The following FBXW8 variants were observed in gnomAD, a reference collection of about 807,000 sequenced individuals.
FBXW8 encodes F-box and WD repeat domain containing 8, also known as F-box/WD repeat-containing protein 8.
FBXW8 carries 57 observed loss-of-function variants against 65.3 expected under a neutral mutation model. The ratio of observed to expected loss-of-function variants is 0.87; its 90% CI spans 0.71 to 1.09. FBXW8 has a LOEUF of 1.09. FBXW8 is among the 50% of genes least tolerant of loss of function. The pLI, the probability that FBXW8 is intolerant of heterozygous loss-of-function variation, is 0.00. For synonymous variants in FBXW8, 308 were observed against 330.2 expected, an observed-to-expected ratio of 0.93 and a Z score of 0.73; for missense variants, 777 against 814.8, an observed-to-expected ratio of 0.95 and a Z score of 0.57.
At chr12:116,968,155 G>A (rs770534881) in intron 5 of FBXW8, among the ~76,000 whole-genome samples, 1 of 152,056 alleles carries the variant, frequency 6.6e-6, no homozygotes. Context: ...AAGTGAGTGG[G>A]GTTATTTTGT....
intron 5 of FBXW8, among the ~76,000 whole-genome samples, chr12:116,968,196 G>C (rs4767484): frequency 0.68 from 103,470 of 152,122 alleles, 39,914 homozygotes; most frequent in Non-Finnish European, 0.84. Flanking sequence ...TACATTTTTA[G>C]GGTTCAAAGA....
At chr12:116,915,619 G>A (rs905039719) in intron 1 of FBXW8, among the ~76,000 whole-genome samples, 1 of 138,714 alleles carries the variant, frequency 7.2e-6, no homozygotes, top group Non-Finnish European at 1.6e-5. Context: ...TTCCACCCAA[G>A]GGTAACCACT....
At chr12:116,969,737 A>G (rs1043867422) in intron 5 of FBXW8, among the ~76,000 whole-genome samples, 1 of 152,128 alleles carries the variant, frequency 6.6e-6, no homozygotes, top group Non-Finnish European at 1.5e-5. Context: ...AATCGTATCC[A>G]GAGGGGGAGA....
At position 116,928,195 on chromosome 12, in the gene FBXW8, G is replaced by A. The variant is rs569662860; in HGVS notation, c.423+68G>A. 4.3e-5 allele frequency: 41 copies of A among 956,316 alleles called. No homozygotes were observed. The East Asian group carries it at 7.4e-4, about 17-fold the overall frequency. The allele number at this position is 956,316 out of a possible 1,614,324, so 59.2% of individuals were successfully genotyped here. On this transcript the variant is annotated intron_variant, in intron 2 of 10. Transcript: ENST00000652555. ...TGATTAAGGTATAGGACTCTCCGGG[G>A]TAATAGAAATTTACTCACAGAATTA...
chr12:117,012,393 G>T (rs1953844005), intron 8 of FBXW8, among the ~76,000 whole-genome samples: 1 of 152,158 alleles, frequency 6.6e-6, no homozygotes, highest in African/African-American at 2.4e-5. Context: ...GTGAGTCCTA[G>T]AGTAGTGCCA....
chr12:116,964,064 G>C (rs1415661897), intron 4 of FBXW8, among the ~76,000 whole-genome samples: 1 of 152,228 alleles, frequency 6.6e-6, no homozygotes, highest in East Asian at 1.9e-4. Flanking sequence ...CTAGTCATAG[G>C]AGAGAGTGAG....
intron 2 of FBXW8, among the ~76,000 whole-genome samples, chr12:116,937,664 T>A (rs1446028457): frequency 6.6e-6 from 1 of 152,096 alleles, no homozygotes; most frequent in East Asian, 1.9e-4. Context: ...AGCTAGTGGC[T>A]CAGGAGCAAG....
At position 116,922,861 on chromosome 12, in the gene FBXW8, T is replaced by C. The variant is rs116970576; in HGVS notation, c.319-5162T>C. On this transcript the variant is annotated intron_variant, in intron 1 of 10. Coordinates refer to ENST00000652555, the MANE Select transcript of FBXW8 (RefSeq NM_153348.3). ...AAGGGGATGGATAGATTTTTATATC[T>C]GCCTATGATGTATGGTTGTGTTCTC... 3.4e-4 allele frequency among the ~76,000 whole-genome samples: 52 copies of C among 152,154 alleles called. No homozygotes were observed. In the East Asian group the frequency reaches 8.5e-3, roughly 25 times the overall value.
intron 1 of FBXW8, among the ~76,000 whole-genome samples, chr12:116,921,822 CTTTTTTTTTTTT>C (rs11449832): frequency 1.0e-5 from 1 of 99,346 alleles, no homozygotes; most frequent in African/African-American, 4.0e-5. Flanking sequence ...GTATTTCTGA[CTTTTTTTTTTTT>C]TTTTTTTTTT....
chr12:116,916,102 G>A (rs1421105963), intron 1 of FBXW8, among the ~76,000 whole-genome samples: 1 of 152,158 alleles, frequency 6.6e-6, no homozygotes, highest in Non-Finnish European at 1.5e-5. Context: ...CTTATCTACT[G>A]TTGATGGGAA....
chr12:116,925,500 A>G (rs1881255915), intron 1 of FBXW8, among the ~76,000 whole-genome samples: 1 of 152,174 alleles, frequency 6.6e-6, no homozygotes, highest in Non-Finnish European at 1.5e-5. Context: ...CATATTTCTT[A>G]AGATATGGAC....
intron 7 of FBXW8, among the ~76,000 whole-genome samples, chr12:116,997,633 C>T (rs917366811): frequency 6.6e-6 from 1 of 152,150 alleles, no homozygotes; most frequent in Non-Finnish European, 1.5e-5. Context: ...GCAGTCCAAG[C>T]AGAGGCAGCA....
intron 1 of FBXW8, among the ~76,000 whole-genome samples, chr12:116,916,534 G>T (rs900614746): frequency 2.6e-5 from 4 of 152,216 alleles, no homozygotes; most frequent in African/African-American, 9.6e-5. Flanking sequence ...GTGTTGTAAG[G>T]TCTTTAGATT....
At chr12:116,990,012 AG>A (rs1953197014) in intron 7 of FBXW8, among the ~76,000 whole-genome samples, 1 of 152,186 alleles carries the variant, frequency 6.6e-6, no homozygotes, top group African/African-American at 2.4e-5. Context: ...GTTGGATTCC[AG>A]CCTCTGGTGG....
Position 117,024,193 on chromosome 12 carries a change from T to G in FBXW8, c.1414T>G (p.Ser472Ala), listed in dbSNP as rs763584146. ...CAGTGGTAACATCGCCCTGTCGCTC[T>G]CCGCCCATCAGCTCAGGGTCTCTGC... ...LRSGNIALSL[S>A]AHQLRVSAVQ... The change falls in exon 9 of 11, where the codon TCC becomes GCC. Residue 472 changes from serine to alanine, a missense_variant. Physicochemically the swap from Ser to Ala is moderately conservative, Grantham distance 99. Transcript: ENST00000652555. 1 of 1,614,080 alleles carries G rather than the reference T, an allele frequency of 6.2e-7. No homozygotes were observed. The highest frequency in any genetic ancestry group is 2.2e-5 in the East Asian group (1 of 44,900).
intron 3 of FBXW8, among the ~76,000 whole-genome samples, chr12:116,946,023 G>T (rs1034389652): frequency 2.6e-5 from 4 of 152,114 alleles, no homozygotes; most frequent in Non-Finnish European, 4.4e-5. Context: ...AAGTCTCTAC[G>T]GAAATATTAG....
At chr12:116,955,038 G>C (rs1592884694) in intron 4 of FBXW8, among the ~76,000 whole-genome samples, 4 of 139,810 alleles carry the variant, frequency 2.9e-5, no homozygotes, top group African/African-American at 1.2e-4. Flanking sequence ...TCTTGAAATG[G>C]GGGGGGGGGG....
intron 7 of FBXW8, among the ~76,000 whole-genome samples, chr12:116,989,606 C>T (rs749527469): frequency 2.6e-5 from 4 of 152,212 alleles, no homozygotes; most frequent in Non-Finnish European, 5.9e-5. Flanking sequence ...CACTCCCTAG[C>T]ATGTTACTAT....
At chr12:116,926,436 C>A (rs1881331083) in intron 1 of FBXW8, among the ~76,000 whole-genome samples, 1 of 152,202 alleles carries the variant, frequency 6.6e-6, no homozygotes, top group African/African-American at 2.4e-5. Flanking sequence ...GTGAGTGTGG[C>A]TTTCCTTGGC....
Sources: gnomAD v4.1 joint callset for allele counts (sites outside exome capture counted in the v4.1 genomes callset) on GRCh38, gnomAD v4.1.1 for gene constraint, MANE v1.5 for transcripts, NCBI Gene and HGNC (gene_info 2026-07-23, HGNC 2026-07-21) for gene names.